DPCD: variants seen among roughly 807,000 people sequenced by gnomAD.
DPCD encodes protein DPCD.
DPCD carries 20 observed loss-of-function variants against 26.4 expected under a neutral mutation model. That is an observed-to-expected ratio of 0.76 (90% CI 0.53 to 1.10). The LOEUF (loss-of-function observed/expected upper bound fraction) is 1.10. Among genes scored for constraint, DPCD ranks in the 50% least tolerant of loss-of-function variants. DPCD has a pLI of 0.00. For missense variants in DPCD, 202 were observed against 253.9 expected, an observed-to-expected ratio of 0.80 and a Z score of 1.39; for synonymous variants, 97 against 94.2, an observed-to-expected ratio of 1.03 and a Z score of -0.17.
chr10:101,593,430 G>A (rs2063626471), intron 1 of DPCD, among the ~76,000 whole-genome samples: 1 of 152,138 alleles, frequency 6.6e-6, no homozygotes, highest in African/African-American at 2.4e-5. Flanking sequence ...CATACATAGG[G>A]TACTTGTCTA....
At chr10:101,608,359 C>G (rs1003397363) in intron 4 of DPCD, among the ~76,000 whole-genome samples, 5 of 152,208 alleles carry the variant, frequency 3.3e-5, no homozygotes, top group African/African-American at 4.8e-5. Flanking sequence ...GTAGTTGAGG[C>G]CTTCAGTGGA....
At position 101,594,852 on chromosome 10, in the gene DPCD, G is replaced by A. The variant is rs1589722502; in HGVS notation, c.145+114G>A. On this transcript the variant is annotated intron_variant, in intron 2 of 5. Coordinates refer to ENST00000370151, the MANE Select transcript of DPCD (RefSeq NM_015448.3). ...GGAGCCCAGATCAAATGTAGAGGCT[G>A]GGAGAGACGGAAGCCCTCGAGACAA... The A allele has an allele frequency of 4.1e-6, 4 of 985,304 alleles. No homozygotes were observed. The East Asian group carries it at 1.0e-4, about 25-fold the overall frequency. The allele number at this position is 985,304 out of a possible 1,614,324, so 61.0% of individuals were successfully genotyped here.
intron 4 of DPCD, among the ~76,000 whole-genome samples, chr10:101,604,379 G>A (rs913438470): frequency 6.6e-6 from 1 of 152,154 alleles, no homozygotes; most frequent in Non-Finnish European, 1.5e-5. Context: ...TCCTTCACCT[G>A]GAGGTTCCAT....
chr10:101,592,386 C>G (rs1564890571), intron 1 of DPCD, among the ~76,000 whole-genome samples: 1 of 152,014 alleles, frequency 6.6e-6, no homozygotes, highest in Non-Finnish European at 1.5e-5. Context: ...GCCAGACACT[C>G]TTAAAAAACA....
In DPCD at chr10:101,602,231, C is replaced by A. The variant is rs548256409; in HGVS notation, c.404+895C>A. Among the ~76,000 whole-genome samples, 297 of 152,338 alleles carry A rather than the reference C, an allele frequency of 1.9e-3. 3 individuals are homozygous for A. Among genetic ancestry groups the A allele is most frequent in the African/African-American group, 6.6e-3 (273 of 41,568 alleles). ...ATTCAACATGCCTCATGGGGATGCC[C>A]CCACCCATCTCTTGCTTTACATGCA... On this transcript the variant is annotated intron_variant, in intron 4 of 5. Coordinates refer to ENST00000370151, the MANE Select transcript of DPCD (RefSeq NM_015448.3).
intron 4 of DPCD, chr10:101,605,071 G>A (rs1475816015): frequency 6.5e-7 from 1 of 1,549,196 alleles, no homozygotes; most frequent in East Asian, 2.4e-5. Flanking sequence ...GGGGGCGACT[G>A]TGGGTGGGGG....
chr10:101,595,256 C>T (rs2063642453), intron 2 of DPCD, among the ~76,000 whole-genome samples: 2 of 152,152 alleles, frequency 1.3e-5, no homozygotes, highest in South Asian at 2.1e-4. Flanking sequence ...GATTTTGCAG[C>T]GTGGTCACTT....
At chr10:101,596,525 C>T (rs886232380) in intron 2 of DPCD, 1 of 152,210 alleles carries the variant, frequency 6.6e-6, no homozygotes, top group South Asian at 2.1e-4. Context: ...TCCTCAACAA[C>T]ATAGTGCTGG....
chr10:101,589,053 C>T (rs1251142289), intron 1 of DPCD, among the ~76,000 whole-genome samples: 2 of 152,250 alleles, frequency 1.3e-5, no homozygotes, highest in Non-Finnish European at 2.9e-5. Context: ...TGGCCGATGC[C>T]GGCCCCTTTG....
At chr10:101,604,223 C>T (rs1463201890) in intron 4 of DPCD, among the ~76,000 whole-genome samples, 1 of 152,190 alleles carries the variant, frequency 6.6e-6, no homozygotes, top group Non-Finnish European at 1.5e-5. Flanking sequence ...TACTTTTATT[C>T]TTGTGTTATA....
intron 2 of DPCD, among the ~76,000 whole-genome samples, chr10:101,598,611 C>CT (rs71016333): frequency 0.11 from 8,370 of 74,932 alleles, 1,828 homozygotes; most frequent in Non-Finnish European, 0.15. Flanking sequence ...TAGATGCTTT[C>CT]TTTTTTTTTT....
Position 101,609,565 on chromosome 10 carries a change from A to C in DPCD, c.*94A>C. Reference sequence around the variant, plus strand: ...CCACGGCAGCCTCCTGTCTTCTAGGAGCTATCAAGGGTCTCTAAGAACTGG... The same window carrying C: ...CCACGGCAGCCTCCTGTCTTCTAGGCGCTATCAAGGGTCTCTAAGAACTGG... On this transcript the variant is annotated 3_prime_UTR_variant, in exon 6 of 6. Transcript: ENST00000370151. 9.0e-7 allele frequency: 1 copy of C among 1,114,588 alleles called. No homozygotes were observed. The highest frequency in any genetic ancestry group is 1.5e-5 in the African/African-American group (1 of 64,666). 69.0% of individuals were successfully genotyped at this position (1,114,588 alleles called of 1,614,324 possible).
chr10:101,597,075 G>T (rs767951941), intron 2 of DPCD, among the ~76,000 whole-genome samples: 9 of 152,064 alleles, frequency 5.9e-5, no homozygotes, highest in Non-Finnish European at 8.8e-5. Context: ...AAAACTGAAG[G>T]CCCCACAACA....
rs925930154 is a variant in DPCD, at chr10:101,598,167, G to A, written c.146-2571G>A. ...CACAGAAAACCCTGGGGTGGTTGTC[G>A]TCCCTCCAGGCCACCTTGGTGCATT... is the stretch of plus-strand genomic sequence containing the variant. On this transcript the variant is annotated intron_variant, in intron 2 of 5. Coordinates refer to ENST00000370151, the MANE Select transcript of DPCD (RefSeq NM_015448.3). 5.3e-5 allele frequency among the ~76,000 whole-genome samples: 8 copies of A among 152,078 alleles called. No individual in the cohort carries two copies. The South Asian group carries it at 1.5e-3, about 28-fold the overall frequency.
At chr10:101,601,180 C>T (rs752640582) in intron 3 of DPCD, 23 bp from the exon 4 acceptor site, 9 of 1,613,282 alleles carry the variant, frequency 5.6e-6, no homozygotes, top group Non-Finnish European at 7.6e-6. Context: ...GAACAGTCCT[C>T]GAGTTGGATT....
intron 2 of DPCD, among the ~76,000 whole-genome samples, chr10:101,596,211 A>ATTTGATAATTAGCCAAACCAGTTTT (rs2063650832): frequency 2.6e-5 from 4 of 152,172 alleles, no homozygotes; most frequent in African/African-American, 9.6e-5. Flanking sequence ...TGGCTTCCAA[A>ATTTGATAATTAGCCAAACCAGTTTT]CTCCTCTTTC....
At chr10:101,607,554 G>A (rs890274654) in intron 4 of DPCD, among the ~76,000 whole-genome samples, 1 of 152,192 alleles carries the variant, frequency 6.6e-6, no homozygotes, top group Non-Finnish European at 1.5e-5. Flanking sequence ...AGCCTCTGTT[G>A]AACGGAGGGA....
In DPCD at chr10:101,588,368, G is replaced by A. The variant is rs80005179; in HGVS notation, c.32G>A (p.Arg11Gln). The change falls in exon 1 of 6, where the codon CGG (arginine) becomes CAG (glutamine). Residue 11 changes from arginine (R) to glutamine (Q), a missense_variant. Physicochemically the swap from Arg to Gln is conservative, Grantham distance 43 (BLOSUM62 1). This residue lies in a region of DPCD where 47 missense variants were observed against 32.8 expected (regional missense o/e 1.43). Coordinates refer to ENST00000370151, the MANE Select transcript of DPCD (RefSeq NM_015448.3). The stretch of plus-strand genomic sequence containing the variant: ...GTGACGGGCTGGTTGGAGAGTCTGC[G>A]GACAGCCCAGAAGACTGCGCTGCTG... MAVTGWLESL[R>Q]TAQKTALLQD... 3 of 1,598,972 alleles carry A rather than the reference G, an allele frequency of 1.9e-6. No homozygotes were observed. The highest frequency in any genetic ancestry group is 4.5e-5 in the East Asian group (2 of 44,428).
Position 101,609,491 on chromosome 10 carries a change from C to T in DPCD, c.*20C>T. ...CAGTAGTTGGCCCCTGAGCCTTATA[C>T]CTCCACCACAGGGGGTGCCGTGAGA... On this transcript the variant is annotated 3_prime_UTR_variant, in exon 6 of 6. Transcript: ENST00000370151. 6.2e-7 allele frequency: 1 copy of T among 1,607,926 alleles called. No individual in the cohort carries two copies. The highest frequency in any genetic ancestry group is 8.5e-7 in the Non-Finnish European group (1 of 1,175,516).
Sources: gnomAD v4.1 joint callset for allele counts (sites outside exome capture counted in the v4.1 genomes callset) on GRCh38, gnomAD v4.1.1 for gene constraint, gnomAD v4.1.1 regional missense constraint, MANE v1.5 for transcripts, NCBI Gene and HGNC (gene_info 2026-07-23, HGNC 2026-07-21) for gene names.